CTSZ: variants seen among roughly 807,000 people sequenced by gnomAD.
The protein encoded by CTSZ is carboxypeptidase LB.
CTSZ carries 39 observed loss-of-function variants against 32.4 expected under a neutral mutation model. The ratio of observed to expected loss-of-function variants is 1.20; its 90% CI spans 0.93 to 1.57. The LOEUF (loss-of-function observed/expected upper bound fraction) is 1.57. Among genes scored for constraint, CTSZ ranks in the 40% most tolerant of loss-of-function variants. CTSZ has a pLI of 0.00. For synonymous variants in CTSZ, 168 were observed against 170.1 expected (o/e 0.99, Z 0.10); for missense variants, 397 against 419.6 (o/e 0.95, Z 0.47).
In CTSZ at chr20:59,007,239, G is replaced by C; in HGVS notation, c.-111C>G. On this transcript the variant is annotated 5_prime_UTR_variant, in exon 1 of 6. Transcript: ENST00000217131. Reference sequence around the variant, plus strand: ...GGCCTCGGCCTCGGCCCAGCACCCGGCCGACCCCGCACTTTGGGCCCCTGC... The same window carrying C: ...GGCCTCGGCCTCGGCCCAGCACCCGCCCGACCCCGCACTTTGGGCCCCTGC... The C allele has an allele frequency of 1.5e-6, 1 of 673,858 alleles. No homozygotes were observed. The highest frequency in any genetic ancestry group is 2.0e-6 in the Non-Finnish European group (1 of 493,210). 41.7% of individuals were successfully genotyped at this position (673,858 alleles called of 1,614,324 possible).
At chr20:58,995,780 C>G (rs200323067) in intron 5 of CTSZ, 21 bp from the exon 6 acceptor site, 1 of 1,608,584 alleles carries the variant, frequency 6.2e-7, no homozygotes, top group East Asian at 2.2e-5. Flanking sequence ...TGGGATCGCG[C>G]GTCAGCCCAT....
Position 59,007,116 on chromosome 20 carries a change from C to T in CTSZ, c.13G>A (p.Gly5Arg). MARR[G>R]PGWRPLLLLV... ...AGCAGAAGCGGCCGCCACCCTGGCC[C>T]GCGCCTCGCCATGGCCCCGCGCCGG... Residue 5 changes from glycine (G) to arginine (R), a missense_variant, in exon 1 of 6, where the codon GGG (glycine) becomes AGG (arginine). Physicochemically the swap from Gly to Arg is moderately radical, Grantham distance 125 (BLOSUM62 -2). Transcript: ENST00000217131. The T allele has an allele frequency of 7.2e-7, 1 of 1,396,274 alleles. No homozygotes were observed. The highest frequency in any genetic ancestry group is 9.2e-7 in the Non-Finnish European group (1 of 1,081,118). The allele number at this position is 1,396,274 out of a possible 1,614,324, so 86.5% of individuals were successfully genotyped here.
rs1356396565 is a variant in CTSZ at position 58,996,709 on chromosome 20, G to A, written c.731C>T (p.Ser244Phe). 1 of 1,614,060 alleles carries A rather than the reference G, an allele frequency of 6.2e-7. No homozygotes were observed. ...QDTTYINHVV[S>F]VAGWGISDGT... is the part of the protein sequence containing the mutation. ...ATCACTGATGCCCCACCCAGCCACA[G>A]AAACGACATGGTTTATATATGTGGT... Residue 244 changes from serine to phenylalanine, a missense_variant, in exon 5 of 6, where the codon TCT (serine) becomes TTT (phenylalanine). Coordinates refer to ENST00000217131, the MANE Select transcript of CTSZ (RefSeq NM_001336.4).
Position 59,006,457 on chromosome 20 carries a change from A to G in CTSZ, c.172T>C (p.Ser58Pro), listed in dbSNP as rs755559076. ...STYPRPHEYLSPADLPKSWDW... is the reference protein window; with the variant it reads ...STYPRPHEYLPPADLPKSWDW... ...CAGCTCTTGGGCAGATCCGCTGGGG[A>G]CAGGTACTCATGAGGCCGGGGGTAT... Residue 58 changes from serine to proline, a missense_variant, in exon 2 of 6, where the codon TCC becomes CCC. Ser to Pro is a moderately conservative substitution (Grantham distance 74). Transcript: ENST00000217131. 6.2e-7 allele frequency: 1 copy of G among 1,613,742 alleles called. No individual in the cohort carries two copies. Among genetic ancestry groups the G allele is most frequent in the African/African-American group, 1.3e-5 (1 of 75,060 alleles).
chr20:59,003,712 C>T (rs930818221), intron 2 of CTSZ, among the ~76,000 whole-genome samples: 4 of 152,062 alleles, frequency 2.6e-5, no homozygotes, highest in Admixed American at 2.0e-4. Flanking sequence ...AGGGAGGGAG[C>T]CATGGGACCT....
intron 2 of CTSZ, among the ~76,000 whole-genome samples, chr20:59,005,404 G>A (rs1601228420): frequency 2.0e-5 from 3 of 152,326 alleles, no homozygotes; most frequent in Non-Finnish European, 4.4e-5. Context: ...TCTGCAAAAA[G>A]CCTGCTTCCT....
chr20:58,997,031 C>T (rs912152212), intron 4 of CTSZ, among the ~76,000 whole-genome samples: 2 of 151,794 alleles, frequency 1.3e-5, no homozygotes, highest in African/African-American at 2.4e-5. Context: ...GTGGTGTGCG[C>T]CAGTAGTCCC....
chr20:58,997,548 C>T (rs528384718), intron 4 of CTSZ, 55 bp downstream of exon 4: 42 of 1,476,130 alleles, frequency 2.8e-5, no homozygotes, highest in South Asian at 5.7e-5. Context: ...TTTCCTCACC[C>T]GCGGGACCTT....
intron 4 of CTSZ, among the ~76,000 whole-genome samples, chr20:58,997,086 C>T (rs1022851820): frequency 6.7e-6 from 1 of 148,696 alleles, no homozygotes; most frequent in East Asian, 2.0e-4. Context: ...AGCTTGAGCC[C>T]GGGCGGTCAA....
chr20:59,001,669 C>A, intron 2 of CTSZ, 25 bp from the exon 3 acceptor site: 1 of 1,604,260 alleles, frequency 6.2e-7, no homozygotes, highest in South Asian at 1.1e-5. Flanking sequence ...ACCTGCCAGT[C>A]AGCACTCACC....
chr20:58,997,524 T>C, intron 4 of CTSZ, 79 bp downstream of exon 4: 1 of 1,390,654 alleles, frequency 7.2e-7, no homozygotes, highest in Non-Finnish European at 9.5e-7. Flanking sequence ...GGATCTCTCC[T>C]CACCCGCGGG....
rs2091912810 is a variant in CTSZ at position 59,007,161 on chromosome 20, A to T, written c.-33T>A. On this transcript the variant is annotated 5_prime_UTR_variant, in exon 1 of 6. Coordinates refer to ENST00000217131, the MANE Select transcript of CTSZ (RefSeq NM_001336.4). The stretch of plus-strand genomic sequence containing the variant: ...CGCCGGCTCCTGGGTCCCGCTCCGG[A>T]TCCCGCTCCGAGTCCCAGATCCCGC... 2 of 1,315,208 alleles carry T rather than the reference A, an allele frequency of 1.5e-6. No individual in the cohort carries two copies. Among genetic ancestry groups the T allele is most frequent in the Admixed American group, 8.4e-5 (2 of 23,822 alleles). The allele number at this position is 1,315,208 out of a possible 1,614,324, so 81.5% of individuals were successfully genotyped here. A position where few individuals can be genotyped will look rare whatever the true frequency, so the allele number is the denominator to read the frequency against.
rs2091868722 is a variant in CTSZ at position 58,997,739 on chromosome 20, T to TA, written c.501dup (p.Asn168Ter). The stretch of plus-strand genomic sequence containing the variant: ...AATTCATTGCATGTCCCACATTGGT[T>TA]AAACTTGTCACACTCTGGGGGAGAG... On this transcript the variant is annotated frameshift_variant, in exon 4 of 6. Transcript: ENST00000217131. LOFTEE classifies it high-confidence loss of function. 1.2e-6 allele frequency: 2 copies of TA among 1,607,414 alleles called. No individual in the cohort carries two copies. The highest frequency in any genetic ancestry group is 4.5e-5 in the East Asian group (2 of 44,578).
intron 4 of CTSZ, 197 bp downstream of exon 4, chr20:58,997,406 A>T: frequency 2.3e-6 from 1 of 444,420 alleles, no homozygotes; most frequent in Non-Finnish European, 3.9e-6. Context: ...AGGGGAAATG[A>T]TGTGGCTGTC....
At chr20:59,000,551 T>A (rs1383756849) in intron 3 of CTSZ, among the ~76,000 whole-genome samples, 1 of 152,182 alleles carries the variant, frequency 6.6e-6, no homozygotes, top group Non-Finnish European at 1.5e-5. Flanking sequence ...TAGCCGCACC[T>A]GAATGTGGGG....
chr20:58,997,841 A>G (rs776729879), intron 3 of CTSZ, 88 bp from the exon 4 acceptor site: 101 of 1,225,674 alleles, frequency 8.2e-5, no homozygotes, highest in Non-Finnish European at 1.1e-4. Flanking sequence ...CTCCACTCTC[A>G]TCATGCAGCC....
In CTSZ at chr20:59,002,772, G is replaced by C. The variant is rs563333228; in HGVS notation, c.308-1128C>G. Among the ~76,000 whole-genome samples, 1 of 152,212 alleles carries C rather than the reference G, an allele frequency of 6.6e-6. No homozygotes were observed. The highest frequency in any genetic ancestry group is 1.9e-4 in the East Asian group (1 of 5,170). Reference sequence around the variant, plus strand: ...AAACCCTCTTCCTGGAGCAGCCGGTGGCTGGTTTGTCCCCTCCCACCTGAC... The same window carrying C: ...AAACCCTCTTCCTGGAGCAGCCGGTCGCTGGTTTGTCCCCTCCCACCTGAC... On this transcript the variant is annotated intron_variant, in intron 2 of 5. Coordinates refer to ENST00000217131, the MANE Select transcript of CTSZ (RefSeq NM_001336.4). This position sits in a 1 kb window ranked among gnomAD's most constrained non-coding sequence, Gnocchi z 4.1.
At chr20:59,000,124 T>G (rs1293149486) in intron 3 of CTSZ, among the ~76,000 whole-genome samples, 1 of 151,138 alleles carries the variant, frequency 6.6e-6, no homozygotes. Flanking sequence ...ATGCCTGTAA[T>G]CCCACCATTT....
chr20:58,998,845 A>G (rs893398109), intron 3 of CTSZ, among the ~76,000 whole-genome samples: 1 of 152,218 alleles, frequency 6.6e-6, no homozygotes, highest in African/African-American at 2.4e-5. Flanking sequence ...CCTGTCTGTC[A>G]TAGTTACACA....
Sources: gnomAD v4.1 joint callset for allele counts (sites outside exome capture counted in the v4.1 genomes callset) on GRCh38, gnomAD v4.1.1 for gene constraint, Gnocchi (gnomAD v3.1) non-coding constraint, MANE v1.5 for transcripts, NCBI Gene and HGNC (gene_info 2026-07-23, HGNC 2026-07-21) for gene names.